The following ZNF714 variants were observed in gnomAD, a reference collection of about 807,000 sequenced individuals.
The protein encoded by ZNF714 is zinc finger protein 714.
ZNF714 carries 32 observed loss-of-function variants against 46.2 expected under a neutral mutation model. The ratio of observed to expected loss-of-function variants is 0.69; its 90% CI spans 0.52 to 0.93. ZNF714 has a LOEUF of 0.93. Ranked by LOEUF, ZNF714 falls within the 40% of genes least tolerant of loss-of-function variation. The pLI is 0.00. For missense variants in ZNF714, 635 were observed against 646.3 expected, an observed-to-expected ratio of 0.98 and a Z score of 0.19; for synonymous variants, 199 against 213.1, an observed-to-expected ratio of 0.93 and a Z score of 0.58.
chr19:21,084,122 G>A, intron 2 of ZNF714, 53 bp downstream of exon 2: 4 of 709,614 alleles, frequency 5.6e-6, no homozygotes, highest in Non-Finnish European at 7.1e-6. Context: ...TCTGCCTCCT[G>A]GATTGTCTAA....
intron 2 of ZNF714, among the ~76,000 whole-genome samples, chr19:21,084,549 T>C (rs560313394): frequency 3.3e-5 from 5 of 152,120 alleles, no homozygotes; most frequent in Non-Finnish European, 7.4e-5. Context: ...AGTGACTGAA[T>C]AGCCTGACTT....
chr19:21,098,958 G>T, intron 4 of ZNF714, 48 bp downstream of exon 4: 67 of 679,690 alleles, frequency 9.9e-5, no homozygotes, highest in Non-Finnish European at 1.2e-4. Context: ...AGGTACAAAG[G>T]TAAAAAAAAA....
chr19:21,114,716 G>A (rs550315434), intron 4 of ZNF714, among the ~76,000 whole-genome samples: 97 of 152,210 alleles, frequency 6.4e-4, no homozygotes, highest in Non-Finnish European at 3.1e-4. Context: ...TTGCAGAGTC[G>A]TTGATGTAGT....
Position 21,117,950 on chromosome 19 carries a change from A to G in ZNF714, c.1286A>G (p.Glu429Gly), listed in dbSNP as rs774115840. The G allele has an allele frequency of 6.2e-7, 1 of 1,613,480 alleles. No individual in the cohort carries two copies. The highest frequency in any genetic ancestry group is 1.7e-5 in the Admixed American group (1 of 60,012). Residue 429 changes from glutamate to glycine, a missense_variant, in exon 5 of 5, where the codon GAA becomes GGA. Coordinates refer to ENST00000456283, the MANE Select transcript of ZNF714 (RefSeq NM_182515.4). ...GGAGAGAAACTCTACAAATGTGAAG[A>G]ATGTGGCAAAGCTTTTAACCGATCC... Reference protein sequence around the residue: ...HTGEKLYKCEECGKAFNRSSN... With the variant: ...HTGEKLYKCEGCGKAFNRSSN...
At chr19:21,095,233 C>T (rs1969008242) in intron 2 of ZNF714, among the ~76,000 whole-genome samples, 1 of 152,130 alleles carries the variant, frequency 6.6e-6, no homozygotes, top group Non-Finnish European at 1.5e-5. Context: ...TGTGTCTAGA[C>T]CTGCTGGCTC....
At position 21,120,516 on chromosome 19, in the gene ZNF714, AAAC is replaced by A. The variant is rs1318055080; in HGVS notation, c.*2186_*2188del. On this transcript the variant is annotated 3_prime_UTR_variant, in exon 5 of 5. Transcript: ENST00000456283. ...CAGAGTAATATTCTGCATTATGAAA[AAAC>A]ATTTAATTTTATTTAAAATTTAGTT... 5.4e-5 allele frequency: 8 copies of A among 147,508 alleles called. No individual in the cohort carries two copies. The highest frequency in any genetic ancestry group is 1.7e-4 in the African/African-American group (7 of 40,530). The allele number at this position is 147,508 out of a possible 1,614,324, so 9.1% of individuals were successfully genotyped here.
In ZNF714 at chr19:21,118,287, A is replaced by T. The variant is rs2144883557; in HGVS notation, c.1623A>T (p.Leu541=). 1.6e-6 allele frequency: 2 copies of T among 1,237,218 alleles called. No homozygotes were observed. Among genetic ancestry groups the T allele is most frequent in the Non-Finnish European group, 2.2e-6 (2 of 891,838 alleles). The allele number at this position is 1,237,218 out of a possible 1,614,324, so 76.6% of individuals were successfully genotyped here. A position where few individuals can be genotyped will look rare whatever the true frequency, so the allele number is the denominator to read the frequency against. Residue 541 remains leucine, a synonymous_variant, in exon 5 of 5, where the codon CTA becomes CTT. Transcript: ENST00000456283. ...QPGQHGKTPS[L]LKIQKFAGCG... ...GCCAACATGGTAAAACCCCATCTCTACTAAAAATACAAAAATTTGCTGGGT... is the reference window on the plus strand; with the variant it reads ...GCCAACATGGTAAAACCCCATCTCTTCTAAAAATACAAAAATTTGCTGGGT...
rs1969613370 is a variant in ZNF714, at chr19:21,117,081, T to C, written c.417T>C (p.His139=). 7 of 1,613,406 alleles carry C rather than the reference T, an allele frequency of 4.3e-6. No individual in the cohort carries two copies. Among genetic ancestry groups the C allele is most frequent in the Middle Eastern group, 1.6e-4 (1 of 6,080 alleles). ...ATTCAAATAGACACAAGACAAGACA[T>C]ACTGGAGAGAAACCTTTCAAATGTA... The part of the protein sequence containing the change: ...IFNSNRHKTR[H]TGEKPFKCKK... Residue 139 remains histidine (H), a synonymous_variant, in exon 5 of 5, where the codon CAT becomes CAC. Transcript: ENST00000456283.
At chr19:21,088,455 A>G (rs1048232828) in intron 2 of ZNF714, among the ~76,000 whole-genome samples, 7 of 152,176 alleles carry the variant, frequency 4.6e-5, no homozygotes, top group African/African-American at 1.7e-4. Context: ...TAAATTGAAC[A>G]ATTTTTAAAA....
rs529924226 is a variant in ZNF714, at chr19:21,118,255, C to T, written c.1591C>T (p.Gln531Ter). 1.4e-6 allele frequency: 2 copies of T among 1,470,754 alleles called. No individual in the cohort carries two copies. The highest frequency in any genetic ancestry group is 1.2e-5 in the South Asian group (1 of 83,744). 91.1% of individuals were successfully genotyped at this position (1,470,754 alleles called of 1,614,324 possible). A position where few individuals can be genotyped will look rare whatever the true frequency, so the allele number is the denominator to read the frequency against. ...GATCGCGAGGTCAGGAGTTCAAGACCAGCCTGGCCAACATGGTAAAACCCC... is the reference window on the plus strand; with the variant it reads ...GATCGCGAGGTCAGGAGTTCAAGACTAGCCTGGCCAACATGGTAAAACCCC... Reference protein sequence around the residue: ...EQIARSGVQDQPGQHGKTPSL... With the variant: ...EQIARSGVQD Residue 531 changes from glutamine to a stop codon, truncating the protein, a stop_gained, in exon 5 of 5, where the codon CAG becomes TAG. Coordinates refer to ENST00000456283, the MANE Select transcript of ZNF714 (RefSeq NM_182515.4). LOFTEE classifies it high-confidence loss of function.
chr19:21,088,199 A>G (rs1438064791), intron 2 of ZNF714, among the ~76,000 whole-genome samples: 2 of 152,206 alleles, frequency 1.3e-5, no homozygotes. Flanking sequence ...TTTCTTGCAT[A>G]AATTTCTTTT....
At chr19:21,090,804 T>C (rs952254962) in intron 2 of ZNF714, 13 of 150,986 alleles carry the variant, frequency 8.6e-5, no homozygotes, top group African/African-American at 3.2e-4. Context: ...TGAGGGCTGA[T>C]GGTTGCACAT....
In ZNF714 at chr19:21,118,242, A is replaced by G. The variant is rs1246873311; in HGVS notation, c.1578A>G (p.Ser526=). Residue 526 remains serine (S), a synonymous_variant, in exon 5 of 5, where the codon TCA becomes TCG. Transcript: ENST00000456283. Reference sequence around the variant, plus strand: ...GACTAGGTGAGCAGATCGCGAGGTCAGGAGTTCAAGACCAGCCTGGCCAAC... The same window carrying G: ...GACTAGGTGAGCAGATCGCGAGGTCGGGAGTTCAAGACCAGCCTGGCCAAC... The part of the protein sequence containing the change: ...LRGLGEQIAR[S]GVQDQPGQHG... 3 of 1,537,756 alleles carry G rather than the reference A, an allele frequency of 2.0e-6. No homozygotes were observed. Among genetic ancestry groups the G allele is most frequent in the Non-Finnish European group, 1.8e-6 (2 of 1,128,822 alleles).
At chr19:21,097,436 G>A (rs2144840758) in intron 2 of ZNF714, among the ~76,000 whole-genome samples, 1 of 152,262 alleles carries the variant, frequency 6.6e-6, no homozygotes, top group Non-Finnish European at 1.5e-5. Context: ...TGTTGTTGAT[G>A]TTAATAATTT....
At chr19:21,091,624 G>A (rs902042081) in intron 2 of ZNF714, 1 of 151,854 alleles carries the variant, frequency 6.6e-6, no homozygotes, top group African/African-American at 2.4e-5. Context: ...AAGGATGAAG[G>A]ATTTTATTAA....
rs1969748903 is a variant in ZNF714, at chr19:21,123,814, TTTCTC to T, written c.*5485_*5489del. The stretch of plus-strand genomic sequence containing the variant: ...ATATTGATTTTACAATTTGGAGAAA[TTTCTC>T]TTATTTTTTATATTTTTTCTTTTAG... On this transcript the variant is annotated 3_prime_UTR_variant, in exon 5 of 5. Coordinates refer to ENST00000456283, the MANE Select transcript of ZNF714 (RefSeq NM_182515.4). 1 of 152,140 alleles carries T rather than the reference TTTCTC, an allele frequency of 6.6e-6. No homozygotes were observed. Among genetic ancestry groups the T allele is most frequent in the Admixed American group, 6.6e-5 (1 of 15,258 alleles). 9.4% of individuals were successfully genotyped at this position (152,140 alleles called of 1,614,324 possible).
Position 21,124,557 on chromosome 19 carries a change from A to G in ZNF714, c.*6225A>G, listed in dbSNP as rs1969762716. Among the ~76,000 whole-genome samples the G allele has an allele frequency of 6.6e-6, 1 of 152,214 alleles. No homozygotes were observed. The highest frequency in any genetic ancestry group is 2.1e-4 in the South Asian group (1 of 4,836). On this transcript the variant is annotated 3_prime_UTR_variant, in exon 5 of 5. Coordinates refer to ENST00000456283, the MANE Select transcript of ZNF714 (RefSeq NM_182515.4). ...CTGTAGAACATATTTTGAAGTATAT[A>G]TACATTGTTATTATTTCTAGGTAAT...
Position 21,092,059 on chromosome 19 carries a change from T to C in ZNF714, c.-84-6126T>C, listed in dbSNP as rs375143779. Among the ~76,000 whole-genome samples the C allele has an allele frequency of 7.9e-5, 12 of 152,186 alleles. No individual in the cohort carries two copies. In the East Asian group the frequency reaches 1.4e-3, roughly 17 times the overall value. On this transcript the variant is annotated intron_variant, in intron 2 of 4. Coordinates refer to ENST00000456283, the MANE Select transcript of ZNF714 (RefSeq NM_182515.4). ...AGAAAGATATCACAGAGGCCTGTCC[T>C]GGAATAAAACTCTTGGTATCTGGAA...
At chr19:21,093,428 C>T (rs1056528262) in intron 2 of ZNF714, among the ~76,000 whole-genome samples, 46 of 149,970 alleles carry the variant, frequency 3.1e-4, no homozygotes, top group Middle Eastern at 3.6e-3. Flanking sequence ...GATGGGGTTT[C>T]ACCATGTTGC....
Sources: gnomAD v4.1 joint callset for allele counts (sites outside exome capture counted in the v4.1 genomes callset) on GRCh38, gnomAD v4.1.1 for gene constraint, MANE v1.5 for transcripts, NCBI Gene and HGNC (gene_info 2026-07-23, HGNC 2026-07-21) for gene names.